Variants in SDK2 observed in about 807,000 individuals in gnomAD.
The protein encoded by SDK2 is protein sidekick-2.
Under a neutral mutation model 253.9 loss-of-function variants are expected in SDK2, and 105 were observed. That is an observed-to-expected ratio of 0.41 (90% CI 0.35 to 0.49). The LOEUF is 0.49. Ranked by LOEUF, SDK2 falls within the 20% of genes least tolerant of loss-of-function variation. The probability of loss-of-function intolerance (pLI) is 0.06; values close to 1 mark genes in which losing one functional copy is unlikely to be tolerated. For missense variants in SDK2, 2,608 were observed against 3,003.0 expected (o/e 0.87, Z 3.07); for synonymous variants, 1,249 against 1,234.9 (o/e 1.01, Z -0.24).
At chr17:73,552,369 G>T (rs1022344665) in intron 1 of SDK2, among the ~76,000 whole-genome samples, 4 of 152,082 alleles carry the variant, frequency 2.6e-5, no homozygotes, top group African/African-American at 7.2e-5. Flanking sequence ...TTATTCATTT[G>T]TGAAACATAT....
At chr17:73,614,434 C>T (rs1039185778) in intron 1 of SDK2, among the ~76,000 whole-genome samples, 1 of 151,526 alleles carries the variant, frequency 6.6e-6, no homozygotes, top group African/African-American at 2.4e-5. Context: ...TACTCGTTTC[C>T]CCCTAGATGA....
At chr17:73,340,552 GCTTTA>G (rs2062425796) in intron 44 of SDK2, among the ~76,000 whole-genome samples, 1 of 152,088 alleles carries the variant, frequency 6.6e-6, no homozygotes, top group Non-Finnish European at 1.5e-5. Flanking sequence ...TCCAGCTTCT[GCTTTA>G]CTTTGTGACT....
intron 1 of SDK2, among the ~76,000 whole-genome samples, chr17:73,538,269 G>C (rs2145816231): frequency 6.6e-6 from 1 of 152,286 alleles, no homozygotes; most frequent in Admixed American, 6.5e-5. Flanking sequence ...AAGCCACCCA[G>C]ATAAAAATCA....
At chr17:73,339,490 G>T (rs939159861) in intron 44 of SDK2, among the ~76,000 whole-genome samples, 16 of 151,906 alleles carry the variant, frequency 1.1e-4, no homozygotes, top group Non-Finnish European at 2.4e-4. Context: ...CCAAAGTACT[G>T]GGATTACAGG....
chr17:73,346,968 C>T (rs767301479), intron 44 of SDK2, among the ~76,000 whole-genome samples: 1 of 152,174 alleles, frequency 6.6e-6, no homozygotes, highest in Non-Finnish European at 1.5e-5. Context: ...ACTTGAAGGT[C>T]GCAATGGTGG....
chr17:73,437,866 C>A (rs761040769), intron 7 of SDK2, 44 bp from the exon 8 acceptor site: 1 of 1,611,076 alleles, frequency 6.2e-7, no homozygotes, highest in African/African-American at 1.3e-5. Flanking sequence ...GCCATGCTCG[C>A]TTTGATCCAG....
intron 3 of SDK2, among the ~76,000 whole-genome samples, chr17:73,464,643 C>G (rs1404228534): frequency 6.6e-6 from 1 of 152,210 alleles, no homozygotes; most frequent in Non-Finnish European, 1.5e-5. Flanking sequence ...ACACCCACAT[C>G]TGCCTCAGGG....
At position 73,379,308 on chromosome 17, in the gene SDK2, G is replaced by A; in HGVS notation, c.4865-16C>T. 1.9e-6 allele frequency: 3 copies of A among 1,546,794 alleles called. No individual in the cohort carries two copies. The highest frequency in any genetic ancestry group is 2.6e-6 in the Non-Finnish European group (3 of 1,142,026). ...GCTGTGGGCACTGGAGGGCGTGCAG[G>A]GTAGGCAGTGAGCATGCGAGTAAAC... On this transcript the variant is annotated splice_polypyrimidine_tract_variant and intron_variant, in intron 35 of 44. Transcript: ENST00000392650. The surrounding 1 kb of genome is among the most constrained non-coding windows in gnomAD (Gnocchi z 4.5).
chr17:73,522,847 T>A (rs530344955), intron 1 of SDK2, among the ~76,000 whole-genome samples: 2 of 152,330 alleles, frequency 1.3e-5, no homozygotes, highest in South Asian at 2.1e-4. Context: ...GTGCCAAGGT[T>A]CACATTCAAA....
chr17:73,399,507 A>G (rs2063004387), intron 21 of SDK2, among the ~76,000 whole-genome samples: 2 of 152,164 alleles, frequency 1.3e-5, no homozygotes, highest in Non-Finnish European at 2.9e-5. Flanking sequence ...TGGGGGTCAA[A>G]GGGGATCTCC....
chr17:73,455,835 C>T lies in SDK2; in HGVS notation c.479+71G>A. ...GGCCCTCCTCCACACTCAAGGGAGA[C>T]TTTATCTGGCCCCAAACCTCCTCCC... On this transcript the variant is annotated intron_variant, in intron 4 of 44. Transcript: ENST00000392650. This position sits in a 1 kb window ranked among gnomAD's most constrained non-coding sequence, Gnocchi z 5.0. 6.8e-7 allele frequency: 1 copy of T among 1,465,778 alleles called. No homozygotes were observed. Among genetic ancestry groups the T allele is most frequent in the East Asian group, 2.6e-5 (1 of 38,852 alleles). The allele number at this position is 1,465,778 out of a possible 1,614,324, so 90.8% of individuals were successfully genotyped here.
intron 1 of SDK2, chr17:73,513,659 G>C (rs1426703885): frequency 6.6e-6 from 1 of 152,198 alleles, no homozygotes; most frequent in African/African-American, 2.4e-5. Flanking sequence ...GAGCCGCTCA[G>C]CTTATAACAG....
At chr17:73,377,222 CTT>C (rs1193747847) in intron 36 of SDK2, among the ~76,000 whole-genome samples, 11 of 133,956 alleles carry the variant, frequency 8.2e-5, no homozygotes, top group Non-Finnish European at 9.7e-5. Flanking sequence ...TTTTTTTTTT[CTT>C]TTTTTTTTTT....
chr17:73,489,805 C>T (rs1257240399), intron 2 of SDK2, among the ~76,000 whole-genome samples: 1 of 152,118 alleles, frequency 6.6e-6, no homozygotes, highest in East Asian at 1.9e-4. Flanking sequence ...TATACTTATG[C>T]CCACCGCTAT....
chr17:73,480,858 C>T (rs1022160154), intron 2 of SDK2, among the ~76,000 whole-genome samples: 1 of 152,204 alleles, frequency 6.6e-6, no homozygotes, highest in Non-Finnish European at 1.5e-5. Context: ...GTGATGTCAG[C>T]TGCACCCTGT....
intron 44 of SDK2, among the ~76,000 whole-genome samples, chr17:73,343,407 G>T (rs1211547108): frequency 6.6e-6 from 1 of 152,230 alleles, no homozygotes; most frequent in Non-Finnish European, 1.5e-5. Context: ...GTTTCTTTTC[G>T]GAGTGGGGGT....
chr17:73,524,227 G>A (rs1030655025), intron 1 of SDK2, among the ~76,000 whole-genome samples: 1 of 152,202 alleles, frequency 6.6e-6, no homozygotes, highest in African/African-American at 2.4e-5. Flanking sequence ...GGACCCTCGG[G>A]CAGCAGGATT....
chr17:73,359,825 A>G (rs531845842), intron 39 of SDK2, among the ~76,000 whole-genome samples: 62 of 152,182 alleles, frequency 4.1e-4, no homozygotes, highest in African/African-American at 1.4e-3. Context: ...TTATTTTTGT[A>G]GAGATGGGGT....
chr17:73,643,958 C>CCCCCCCCCCCACCCCCCCCCCCACA lies in SDK2; in HGVS notation c.64+66_64+67insTGTGGGGGGGGGGGTGGGGGGGGGG. 2 of 794,246 alleles carry CCCCCCCCCCCACCCCCCCCCCCACA rather than the reference C, an allele frequency of 2.5e-6. No homozygotes were observed. The highest frequency in any genetic ancestry group is 4.2e-6 in the Non-Finnish European group (2 of 477,666). The allele number at this position is 794,246 out of a possible 1,614,324, so 49.2% of individuals were successfully genotyped here. A position where few individuals can be genotyped will look rare whatever the true frequency, so the allele number is the denominator to read the frequency against. On this transcript the variant is annotated intron_variant, in intron 1 of 44. Transcript: ENST00000392650. The surrounding 1 kb of genome is among the most constrained non-coding windows in gnomAD (Gnocchi z 6.9). Reference sequence around the variant, plus strand: ...GAGGTCACCGTGAGGCCGGCCAGCTCCCGCCGCCCCTCCCCCGCCCACTCT... The same window carrying CCCCCCCCCCCACCCCCCCCCCCACA: ...GAGGTCACCGTGAGGCCGGCCAGCTCCCCCCCCCCCACCCCCCCCCCCACACCGCCGCCCCTCCCCCGCCCACTCT...
Sources: gnomAD v4.1 joint callset for allele counts (sites outside exome capture counted in the v4.1 genomes callset) on GRCh38, gnomAD v4.1.1 for gene constraint, Gnocchi (gnomAD v3.1) non-coding constraint, MANE v1.5 for transcripts, NCBI Gene and HGNC (gene_info 2026-07-23, HGNC 2026-07-21) for gene names.